The following CPNE3 variants were observed in gnomAD, a reference collection of about 807,000 sequenced individuals.
CPNE3 encodes the protein copine-3.
In CPNE3, 68 loss-of-function variants were observed where a neutral mutation model predicts 63.9. That is an observed-to-expected ratio of 1.06 (90% CI 0.87 to 1.30). CPNE3 has a LOEUF of 1.30. CPNE3 is among the 50% of genes most tolerant of loss of function. The probability of loss-of-function intolerance (pLI) is 0.00; values close to 1 mark genes in which losing one functional copy is unlikely to be tolerated. For missense variants in CPNE3, 665 were observed against 578.1 expected (o/e 1.15, Z -1.54); for synonymous variants, 219 against 197.5 (o/e 1.11, Z -0.91).
chr8:86,541,572 C>T (rs1055918372), intron 8 of CPNE3, among the ~76,000 whole-genome samples: 4 of 151,788 alleles, frequency 2.6e-5, no homozygotes, highest in East Asian at 1.9e-4. Context: ...GGTGTGGTGG[C>T]GCATACCTGT....
At chr8:86,551,650 G>T (rs2304791) in intron 14 of CPNE3, 1 of 155,952 alleles carries the variant, frequency 6.4e-6, no homozygotes, top group Non-Finnish European at 1.4e-5. Context: ...TTTTCAGAGT[G>T]GTAGTCACTC....
rs369591445 is a variant in CPNE3, at chr8:86,554,906, T to C, written c.1176T>C (p.Tyr392=). The change falls in exon 15 of 17, where the codon TAT becomes TAC. Residue 392 remains tyrosine, a synonymous_variant. Transcript: ENST00000517490. ...CTTGTCTTCCTCAGATAAAACTCTA[T>C]GGACCAACTAATTTTTCTCCAATCA... ...YRSCLPQIKL[Y]GPTNFSPIIN... The C allele has an allele frequency of 2.5e-6, 4 of 1,614,192 alleles. No individual in the cohort carries two copies. The highest frequency in any genetic ancestry group is 3.4e-6 in the Non-Finnish European group (4 of 1,180,034).
chr8:86,541,704 T>TCAAAAAAA (rs1820945256), intron 8 of CPNE3, among the ~76,000 whole-genome samples: 2 of 134,648 alleles, frequency 1.5e-5, no homozygotes, highest in African/African-American at 5.4e-5. Flanking sequence ...AGACCGTGTC[T>TCAAAAAAA]TAAAAAAAAA....
chr8:86,547,691 A>C lies in CPNE3; in HGVS notation c.820-20A>C, dbSNP rs769860219. ...TGTATAGTAGGAGAGTTGTAATTTTAAGTTTTCTCTTATTTTTAGATTACA... is the reference window on the plus strand; with the variant it reads ...TGTATAGTAGGAGAGTTGTAATTTTCAGTTTTCTCTTATTTTTAGATTACA... On this transcript the variant is annotated intron_variant, in intron 10 of 16. Coordinates refer to ENST00000517490, the MANE Select transcript of CPNE3 (RefSeq NM_003909.5). 9.7e-7 allele frequency: 1 copy of C among 1,025,944 alleles called. No homozygotes were observed. Among genetic ancestry groups the C allele is most frequent in the South Asian group, 1.3e-5 (1 of 75,302 alleles). The allele number at this position is 1,025,944 out of a possible 1,614,324, so 63.6% of individuals were successfully genotyped here. A position where few individuals can be genotyped will look rare whatever the true frequency, so the allele number is the denominator to read the frequency against.
intron 9 of CPNE3, among the ~76,000 whole-genome samples, 173 bp from the exon 10 acceptor site, chr8:86,546,422 A>G (rs1821051340): frequency 6.6e-6 from 1 of 152,150 alleles, no homozygotes; most frequent in African/African-American, 2.4e-5. Flanking sequence ...TTTACCTGAT[A>G]AATATTCCAC....
chr8:86,551,221 TC>T lies in CPNE3; in HGVS notation c.1110del (p.Tyr371ThrfsTer9). ...EFPMNFNPSN[P>X]YCNGIQGIVE... The stretch of plus-strand genomic sequence containing the variant: ...TTCCAATGAACTTCAACCCATCCAA[TC>T]CCTACTGCAATGGTAAGTTAAAAAA... On this transcript the variant is annotated frameshift_variant, in exon 14 of 17. Coordinates refer to ENST00000517490, the MANE Select transcript of CPNE3 (RefSeq NM_003909.5). LOFTEE classifies it high-confidence loss of function. The T allele has an allele frequency of 5.0e-6, 8 of 1,599,078 alleles. No homozygotes were observed. Among genetic ancestry groups the T allele is most frequent in the Non-Finnish European group, 6.9e-6 (8 of 1,166,442 alleles).
chr8:86,537,615 A>T lies in CPNE3; in HGVS notation c.512A>T (p.Asp171Val). Reference sequence around the variant, plus strand: ...CTGGAATTCCACAAGCAGACATCTGATGGAAACTGGCTAATGGTTCATCGG... The same window carrying T: ...CTGGAATTCCACAAGCAGACATCTGTTGGAAACTGGCTAATGGTTCATCGG... ...PYLEFHKQTS[D>V]GNWLMVHRTE... The change falls in exon 7 of 17, where the codon GAT (aspartate) becomes GTT (valine). Residue 171 changes from aspartate to valine, a missense_variant. Asp to Val is a radical substitution (Grantham distance 152). Transcript: ENST00000517490. 1.2e-6 allele frequency: 2 copies of T among 1,609,782 alleles called. No individual in the cohort carries two copies. Among genetic ancestry groups the T allele is most frequent in the Non-Finnish European group, 1.7e-6 (2 of 1,176,080 alleles).
chr8:86,555,988 A>AG, intron 15 of CPNE3, 114 bp from the exon 16 acceptor site: 1 of 710,496 alleles, frequency 1.4e-6, no homozygotes, highest in Non-Finnish European at 2.6e-6. Flanking sequence ...GGTGGTAGCT[A>AG]GGGTAGAGAC....
intron 15 of CPNE3, 24 bp downstream of exon 15, chr8:86,555,008 T>C (rs1411174651): frequency 6.2e-6 from 10 of 1,613,398 alleles, no homozygotes; most frequent in Non-Finnish European, 7.6e-6. Context: ...GGCCAGGGAA[T>C]GGGAAGAATG....
chr8:86,526,915 C>T (rs1242372866), intron 2 of CPNE3, among the ~76,000 whole-genome samples: 1 of 152,144 alleles, frequency 6.6e-6, no homozygotes, highest in Non-Finnish European at 1.5e-5. Flanking sequence ...TGATTTTTGA[C>T]ATATGTTGAG....
At chr8:86,547,106 A>G (rs1408354642) in intron 10 of CPNE3, among the ~76,000 whole-genome samples, 2 of 152,224 alleles carry the variant, frequency 1.3e-5, no homozygotes, top group Non-Finnish European at 2.9e-5. Context: ...GCAGTTGAAA[A>G]TCACATGAGC....
chr8:86,536,198 G>A (rs764635406), intron 6 of CPNE3, among the ~76,000 whole-genome samples: 1 of 150,026 alleles, frequency 6.7e-6, no homozygotes, highest in African/African-American at 2.5e-5. Context: ...GGGTTTTTCT[G>A]TGTGTATGTA....
At chr8:86,536,675 G>A (rs1233146575) in intron 6 of CPNE3, among the ~76,000 whole-genome samples, 4 of 152,098 alleles carry the variant, frequency 2.6e-5, no homozygotes, top group Non-Finnish European at 5.9e-5. Flanking sequence ...ATTCCTGTGG[G>A]ATTAACAAAT....
At chr8:86,529,233 C>A in intron 4 of CPNE3, 109 bp downstream of exon 4, 2 of 882,088 alleles carry the variant, frequency 2.3e-6, no homozygotes, top group Admixed American at 2.3e-5. Flanking sequence ...AACATGTAAT[C>A]ACTTTAAAGA....
chr8:86,526,159 C>T (rs1820536304), intron 2 of CPNE3, among the ~76,000 whole-genome samples: 3 of 151,500 alleles, frequency 2.0e-5, no homozygotes, highest in African/African-American at 4.9e-5. Context: ...ACCTGGGAGG[C>T]GGAGGCTACA....
chr8:86,558,246 T>A (rs1306366374), intron 16 of CPNE3, 42 bp from the exon 17 acceptor site: 3 of 871,896 alleles, frequency 3.4e-6, no homozygotes, highest in Non-Finnish European at 6.0e-6. Context: ...GCCAGGAAAA[T>A]TCAGTTGCTA....
intron 2 of CPNE3, among the ~76,000 whole-genome samples, chr8:86,527,587 A>G (rs984379197): frequency 3.9e-5 from 6 of 152,266 alleles, no homozygotes; most frequent in African/African-American, 1.4e-4. Context: ...TCATCCAAGG[A>G]ACTGATGTCA....
chr8:86,551,169 T>G lies in CPNE3; in HGVS notation c.1069-14T>G, dbSNP rs1247927751. The stretch of plus-strand genomic sequence containing the variant: ...CAGCCCAGCCCTCATCAGTCCTTTG[T>G]CCATCTTTGACAGGTATCACATGAA... On this transcript the variant is annotated splice_polypyrimidine_tract_variant and intron_variant, in intron 13 of 16. Coordinates refer to ENST00000517490, the MANE Select transcript of CPNE3 (RefSeq NM_003909.5). 9 of 1,613,428 alleles carry G rather than the reference T, an allele frequency of 5.6e-6. No homozygotes were observed. The highest frequency in any genetic ancestry group is 7.6e-6 in the Non-Finnish European group (9 of 1,179,494).
intron 2 of CPNE3, among the ~76,000 whole-genome samples, chr8:86,527,141 A>G (rs1480715718): frequency 3.3e-5 from 5 of 152,154 alleles, no homozygotes; most frequent in African/African-American, 1.2e-4. Flanking sequence ...CTTCAGCTAA[A>G]TCTCAAAGTG....
Sources: allele counts gnomAD v4.1 joint callset (sites outside exome capture counted in the v4.1 genomes callset), GRCh38; gene constraint gnomAD v4.1.1; transcripts MANE v1.5; gene names NCBI Gene and HGNC (gene_info 2026-07-23, HGNC 2026-07-21).